Variants in RNMT observed in about 807,000 individuals in gnomAD.
The protein encoded by RNMT is RNA guanine-7 methyltransferase.
In RNMT, 27 loss-of-function variants were observed where a neutral mutation model predicts 56.0. That is an observed-to-expected ratio of 0.48 (90% CI 0.36 to 0.67). The LOEUF is 0.67. Among genes scored for constraint, RNMT ranks in the 30% least tolerant of loss-of-function variants. The probability of loss-of-function intolerance (pLI) is 0.00; values close to 1 mark genes in which losing one functional copy is unlikely to be tolerated. For missense variants in RNMT, 519 were observed against 552.1 expected, an observed-to-expected ratio of 0.94 and a Z score of 0.60; for synonymous variants, 184 against 176.2, an observed-to-expected ratio of 1.04 and a Z score of -0.35.
intron 7 of RNMT, 63 bp downstream of exon 7, chr18:13,741,754 C>G: frequency 1.9e-6 from 2 of 1,047,140 alleles, no homozygotes; most frequent in Admixed American, 5.1e-5. Context: ...AAATGTTTAT[C>G]AGAGGTAGAT....
chr18:13,745,722 T>C (rs2044339857), intron 8 of RNMT, among the ~76,000 whole-genome samples: 2 of 151,192 alleles, frequency 1.3e-5, no homozygotes, highest in South Asian at 4.2e-4. Context: ...TACAGAACCT[T>C]GAAGTTTAGA....
At chr18:13,742,870 G>T in intron 8 of RNMT, 1 of 312,976 alleles carries the variant, frequency 3.2e-6, no homozygotes, top group South Asian at 9.6e-5. Flanking sequence ...GCCTAACTTA[G>T]TTTTCTCTCA....
chr18:13,760,175 G>T lies in RNMT; in HGVS notation c.*196G>T, dbSNP rs1039204320. On this transcript the variant is annotated 3_prime_UTR_variant, in exon 12 of 12. Coordinates refer to ENST00000383314, the MANE Select transcript of RNMT (RefSeq NM_003799.3). Reference sequence around the variant, plus strand: ...CTTTTGCATGTGTATATAAGAATGAGTTGGGACCTCTGTCTTTAAAAATCT... The same window carrying T: ...CTTTTGCATGTGTATATAAGAATGATTTGGGACCTCTGTCTTTAAAAATCT... 5 of 1,282,652 alleles carry T rather than the reference G, an allele frequency of 3.9e-6. No homozygotes were observed. The African/African-American group carries it at 4.6e-5, about 12-fold the overall frequency. The allele number at this position is 1,282,652 out of a possible 1,614,324, so 79.5% of individuals were successfully genotyped here.
At position 13,762,761 on chromosome 18, in the gene RNMT, GT is replaced by G. The variant is rs1379305941; in HGVS notation, c.*2786del. On this transcript the variant is annotated 3_prime_UTR_variant, in exon 12 of 12. Transcript: ENST00000383314. ...CAGCCATGAGATGGCCAGGTATCCA[GT>G]TTTGTTAACTCTCTTTGGGAATTTC... The G allele has an allele frequency of 3.6e-6, 1 of 275,616 alleles. No homozygotes were observed. The highest frequency in any genetic ancestry group is 2.2e-5 in the African/African-American group (1 of 45,692). The allele number at this position is 275,616 out of a possible 1,614,324, so 17.1% of individuals were successfully genotyped here. A position where few individuals can be genotyped will look rare whatever the true frequency, so the allele number is the denominator to read the frequency against.
chr18:13,735,773 G>A (rs1339082886), intron 4 of RNMT, among the ~76,000 whole-genome samples: 4 of 152,044 alleles, frequency 2.6e-5, no homozygotes, highest in African/African-American at 9.7e-5. Context: ...TGAAGTCAGA[G>A]TTGGCAAAAT....
intron 11 of RNMT, among the ~76,000 whole-genome samples, chr18:13,755,940 G>A (rs1197523585): frequency 3.9e-5 from 6 of 152,210 alleles, no homozygotes; most frequent in Non-Finnish European, 8.8e-5. Flanking sequence ...GAAGAGATGG[G>A]CTGGACATGC....
Position 13,744,159 on chromosome 18 carries a change from C to CTTTTTTTT in RNMT, c.1139+1526_1139+1533dup, listed in dbSNP as rs201093998. Among the ~76,000 whole-genome samples the CTTTTTTTT allele has an allele frequency of 7.9e-4, 72 of 91,402 alleles. 6 individuals carry two copies. The highest frequency in any genetic ancestry group is 1.4e-3 in the African/African-American group (27 of 18,904). 60.0% of individuals were successfully genotyped at this position (91,402 alleles called of 152,430 possible). ...ATGCTAAACAAGACCTAGCGGTCTT[C>CTTTTTTTT]TTTTTTTTTTTTTTTTTTTTTTTTT... On this transcript the variant is annotated intron_variant, in intron 8 of 11. Transcript: ENST00000383314.
In RNMT at chr18:13,731,709, T is replaced by C; in HGVS notation, c.192T>C (p.Asp64=). 1 of 1,613,484 alleles carries C rather than the reference T, an allele frequency of 6.2e-7. No homozygotes were observed. The highest frequency in any genetic ancestry group is 1.3e-5 in the African/African-American group (1 of 74,950). ...CAAGAAAGAGAAAAGAGTTTGAAGA[T>C]GATCTTGTAAAGGAAAGTTCTAGTT... is the stretch of plus-strand genomic sequence containing the variant. ...DIARKRKEFE[D]DLVKESSSCG... is the part of the protein sequence containing the mutation. Residue 64 remains aspartate, a synonymous_variant, in exon 3 of 12, where the codon GAT becomes GAC. Transcript: ENST00000383314.
Position 13,764,221 on chromosome 18 carries a change from T to A in RNMT, c.*4242T>A, listed in dbSNP as rs2044652697. Reference sequence around the variant, plus strand: ...TCCAGACAGAGGCAAATCATTTTGTTTAACTTTTTATTAAAGTGTAACTAT... The same window carrying A: ...TCCAGACAGAGGCAAATCATTTTGTATAACTTTTTATTAAAGTGTAACTAT... On this transcript the variant is annotated 3_prime_UTR_variant, in exon 12 of 12. Coordinates refer to ENST00000383314, the MANE Select transcript of RNMT (RefSeq NM_003799.3). 6.6e-6 allele frequency: 1 copy of A among 152,178 alleles called. No individual in the cohort carries two copies. Among genetic ancestry groups the A allele is most frequent in the Non-Finnish European group, 1.5e-5 (1 of 68,038 alleles). The allele number at this position is 152,178 out of a possible 1,614,324, so 9.4% of individuals were successfully genotyped here. A position where few individuals can be genotyped will look rare whatever the true frequency, so the allele number is the denominator to read the frequency against.
At chr18:13,749,357 T>G (rs9303793) in intron 9 of RNMT, among the ~76,000 whole-genome samples, 135,391 of 152,246 alleles carry the variant, frequency 0.89, 60,275 homozygotes, top group East Asian at 0.97. Context: ...TTAGAGCCCT[T>G]TGTTGGGATG....
In RNMT at chr18:13,742,968, A is replaced by G. The variant is rs574876957; in HGVS notation, c.1139+316A>G. Reference sequence around the variant, plus strand: ...AAAATGCCTGACACTGCAAATAGCAAAAGTTTTTTTTTTTTTTTTAGTGAC... The same window carrying G: ...AAAATGCCTGACACTGCAAATAGCAGAAGTTTTTTTTTTTTTTTTAGTGAC... On this transcript the variant is annotated intron_variant, in intron 8 of 11. Transcript: ENST00000383314. 5.2e-4 allele frequency: 95 copies of G among 183,076 alleles called. 1 individual carries two copies. Among genetic ancestry groups the G allele is most frequent in the African/African-American group, 2.2e-3 (89 of 40,988 alleles). 11.3% of individuals were successfully genotyped at this position (183,076 alleles called of 1,614,324 possible). A position where few individuals can be genotyped will look rare whatever the true frequency, so the allele number is the denominator to read the frequency against.
rs201601149 is a variant in RNMT at position 13,731,635 on chromosome 18, G to T, written c.118G>T (p.Gly40Trp). The T allele has an allele frequency of 1.1e-4, 171 of 1,613,926 alleles. No homozygotes were observed. Among genetic ancestry groups the T allele is most frequent in the Non-Finnish European group, 4.2e-6 (5 of 1,179,992 alleles). ...FNINENTTASGTGLSEKTSVC... is the reference protein window; with the variant it reads ...FNINENTTASWTGLSEKTSVC... ...TATTAATGAAAACACAACAGCTTCT[G>T]GGACTGGGCTTTCTGAAAAGACTTC... is the stretch of plus-strand genomic sequence containing the variant. Residue 40 changes from glycine to tryptophan, a missense_variant, in exon 3 of 12, where the codon GGG (glycine) becomes TGG (tryptophan). Gly to Trp is a radical substitution (Grantham distance 184). Transcript: ENST00000383314.
intron 9 of RNMT, among the ~76,000 whole-genome samples, chr18:13,750,007 TC>T (rs2044414916): frequency 6.6e-6 from 1 of 152,094 alleles, no homozygotes; most frequent in African/African-American, 2.4e-5. Context: ...TGATCTGCCT[TC>T]CTCGGTCTCC....
chr18:13,732,546 GATATT>G (rs1188561675), intron 3 of RNMT, among the ~76,000 whole-genome samples: 1 of 152,074 alleles, frequency 6.6e-6, no homozygotes, highest in South Asian at 2.1e-4. Flanking sequence ...ATTTAGCAAA[GATATT>G]ATAGGGCAAG....
At chr18:13,744,247 G>A (rs7240012) in intron 8 of RNMT, among the ~76,000 whole-genome samples, 1 of 135,460 alleles carries the variant, frequency 7.4e-6, no homozygotes, top group African/African-American at 2.9e-5. Context: ...TTTTTTAAAA[G>A]ATTATTTATT....
chr18:13,738,396 G>A (rs1453516213), intron 5 of RNMT, among the ~76,000 whole-genome samples: 1 of 152,140 alleles, frequency 6.6e-6, no homozygotes, highest in Admixed American at 6.5e-5. Context: ...CCAATATGTT[G>A]TGATTTTATT....
chr18:13,762,305 A>T lies in RNMT; in HGVS notation c.*2326A>T. On this transcript the variant is annotated 3_prime_UTR_variant, in exon 12 of 12. Transcript: ENST00000383314. ...ATTCTTTGGGCCTAGAATATACTTGAGAAAGCACTAGTGGCTTGTGTTCAG... is the reference window on the plus strand; with the variant it reads ...ATTCTTTGGGCCTAGAATATACTTGTGAAAGCACTAGTGGCTTGTGTTCAG... 3.2e-6 allele frequency: 3 copies of T among 934,654 alleles called. No individual in the cohort carries two copies. The Admixed American group carries it at 8.7e-5, about 27-fold the overall frequency. 57.9% of individuals were successfully genotyped at this position (934,654 alleles called of 1,614,324 possible).
intron 1 of RNMT, among the ~76,000 whole-genome samples, chr18:13,728,319 TTTTTTTTTTTTTGTGTGTGTGTG>T (rs1230090981): frequency 1.7e-3 from 84 of 48,492 alleles, no homozygotes; most frequent in East Asian, 0.014. Flanking sequence ...TTTTTTTTTT[TTTTTTTTTTTTTGTGTGTGTGTG>T]TGTGTGTGTG....
In RNMT at chr18:13,760,991, A is replaced by C. The variant is rs940439672; in HGVS notation, c.*1012A>C. ...GTCCTTGCTTTACACCACCATTTGG[A>C]AAACTTACCAGTTTTTAGATGTAGA... On this transcript the variant is annotated 3_prime_UTR_variant, in exon 12 of 12. Transcript: ENST00000383314. The C allele has an allele frequency of 3.0e-6, 3 of 985,332 alleles. No individual in the cohort carries two copies. Among genetic ancestry groups the C allele is most frequent in the African/African-American group, 1.7e-5 (1 of 57,258 alleles). The allele number at this position is 985,332 out of a possible 1,614,324, so 61.0% of individuals were successfully genotyped here. A position where few individuals can be genotyped will look rare whatever the true frequency, so the allele number is the denominator to read the frequency against.
Sources: gnomAD v4.1 joint callset for allele counts (sites outside exome capture counted in the v4.1 genomes callset) on GRCh38, gnomAD v4.1.1 for gene constraint, MANE v1.5 for transcripts, NCBI Gene and HGNC (gene_info 2026-07-23, HGNC 2026-07-21) for gene names.